PCDHAC1: variants seen among roughly 807,000 people sequenced by gnomAD.
PCDHAC1 encodes protocadherin alpha subfamily C, 1, also known as protocadherin alpha-C1.
PCDHAC1 carries 42 observed loss-of-function variants against 60.0 expected under a neutral mutation model. The ratio of observed to expected loss-of-function variants is 0.70; its 90% CI spans 0.55 to 0.90. PCDHAC1 has a LOEUF of 0.90. Ranked by LOEUF, PCDHAC1 falls within the 40% of genes least tolerant of loss-of-function variation. PCDHAC1 has a pLI of 0.00. For missense variants in PCDHAC1, 1,160 were observed against 1,222.3 expected, an observed-to-expected ratio of 0.95 and a Z score of 0.76; for synonymous variants, 468 against 499.3, an observed-to-expected ratio of 0.94 and a Z score of 0.84.
chr5:140,975,149 T>A (rs990599895), intron 1 of PCDHAC1, among the ~76,000 whole-genome samples: 1 of 152,202 alleles, frequency 6.6e-6, no homozygotes, highest in Non-Finnish European at 1.5e-5. Flanking sequence ...CACTCTCAGT[T>A]CCTAGAGAAC....
chr5:140,999,786 G>A (rs1050666056), intron 3 of PCDHAC1, among the ~76,000 whole-genome samples: 4 of 152,120 alleles, frequency 2.6e-5, no homozygotes, highest in African/African-American at 9.7e-5. Flanking sequence ...CCTAGAAATG[G>A]CAGAGTTATT....
intron 1 of PCDHAC1, chr5:140,967,281 C>G: frequency 2.5e-6 from 4 of 1,613,102 alleles, no homozygotes; most frequent in Non-Finnish European, 3.4e-6. Flanking sequence ...ATAGAGAGTG[C>G]GCAGGACCCC....
At chr5:140,967,750 C>T (rs782284231) in intron 1 of PCDHAC1, 3 of 1,614,072 alleles carry the variant, frequency 1.9e-6, no homozygotes, top group Non-Finnish European at 8.5e-7. Flanking sequence ...ATGAGGAAGC[C>T]TCCTCCTACC....
intron 1 of PCDHAC1, chr5:140,966,228 A>G: frequency 3.6e-6 from 1 of 275,386 alleles, no homozygotes; most frequent in Admixed American, 5.3e-5. Context: ...AATCTCCTTA[A>G]AGACCCGTTA....
At chr5:140,986,427 G>A (rs937088313) in intron 3 of PCDHAC1, among the ~76,000 whole-genome samples, 19 of 152,186 alleles carry the variant, frequency 1.2e-4, no homozygotes, top group African/African-American at 4.6e-4. Context: ...TTAACTTCAT[G>A]AGTACTAATG....
intron 1 of PCDHAC1, among the ~76,000 whole-genome samples, chr5:140,941,208 T>TTCCTTTCTTTCTTTCTTTCTTTCG (rs2092839762): frequency 9.1e-6 from 1 of 109,450 alleles, no homozygotes; most frequent in Non-Finnish European, 2.0e-5. Context: ...TCTTCCTTTC[T>TTCCTTTCTTTCTTTCTTTCTTTCG]TTCTTCCTTT....
intron 3 of PCDHAC1, among the ~76,000 whole-genome samples, chr5:140,997,872 C>G (rs1053678533): frequency 6.6e-6 from 1 of 152,094 alleles, no homozygotes; most frequent in African/African-American, 2.4e-5. Context: ...TGCATGCTTG[C>G]TAGTATTTAT....
Position 140,988,156 on chromosome 5 carries a change from C to T in PCDHAC1, c.2581+5593C>T, listed in dbSNP as rs546335543. Among the ~76,000 whole-genome samples, 7 of 152,172 alleles carry T rather than the reference C, an allele frequency of 4.6e-5. No individual in the cohort carries two copies. The South Asian group carries it at 1.5e-3, about 32-fold the overall frequency. On this transcript the variant is annotated intron_variant, in intron 3 of 3. Coordinates refer to ENST00000253807, the MANE Select transcript of PCDHAC1 (RefSeq NM_018898.5). ...TAACCTGTTCAACCTCAACTTCTGCCGTTGTCATAGCAATGACAGTCCTGG... is the reference window on the plus strand; with the variant it reads ...TAACCTGTTCAACCTCAACTTCTGCTGTTGTCATAGCAATGACAGTCCTGG...
rs1323702990 is a variant in PCDHAC1, at chr5:140,926,767, C to A, written c.-126C>A. 1 of 1,359,024 alleles carries A rather than the reference C, an allele frequency of 7.4e-7. No individual in the cohort carries two copies. The highest frequency in any genetic ancestry group is 2.7e-5 in the East Asian group (1 of 37,242). 84.2% of individuals were successfully genotyped at this position (1,359,024 alleles called of 1,614,324 possible). On this transcript the variant is annotated 5_prime_UTR_variant, in exon 1 of 4. Transcript: ENST00000253807. ...CGTCGGCGGTCGCTGAGTATCCAGC[C>A]CGCAGCAGTGACGGCCGGCAGGAGC...
chr5:140,989,509 T>G (rs1554250840), intron 3 of PCDHAC1, among the ~76,000 whole-genome samples: 1 of 152,196 alleles, frequency 6.6e-6, no homozygotes, highest in African/African-American at 2.4e-5. Context: ...GCTTATAACC[T>G]GAGTTGAGGG....
chr5:140,963,233 G>C (rs151988), intron 1 of PCDHAC1, among the ~76,000 whole-genome samples: 50,230 of 151,972 alleles, frequency 0.33, 8,535 homozygotes, highest in East Asian at 0.53. Context: ...GACACTGTTT[G>C]ATGGATTAGG....
intron 1 of PCDHAC1, among the ~76,000 whole-genome samples, chr5:140,978,440 T>G (rs1238163577): frequency 2.0e-5 from 3 of 152,244 alleles, no homozygotes; most frequent in African/African-American, 7.2e-5. Context: ...GCTGGTGTTA[T>G]GACTGGGCAC....
At chr5:140,984,704 G>A (rs2097116148) in intron 3 of PCDHAC1, among the ~76,000 whole-genome samples, 1 of 152,032 alleles carries the variant, frequency 6.6e-6, no homozygotes, top group Non-Finnish European at 1.5e-5. Flanking sequence ...CTGCTTGGAG[G>A]GAATATGGCA....
At chr5:140,993,668 A>G (rs551356894) in intron 3 of PCDHAC1, among the ~76,000 whole-genome samples, 167 of 152,322 alleles carry the variant, frequency 1.1e-3, no homozygotes, top group African/African-American at 3.4e-3. Context: ...ACAATGGACC[A>G]CATATGTGAC....
At chr5:140,965,689 A>T (rs2095924180) in intron 1 of PCDHAC1, among the ~76,000 whole-genome samples, 2 of 152,266 alleles carry the variant, frequency 1.3e-5, no homozygotes, top group African/African-American at 4.8e-5. Context: ...TTGAAGCAAG[A>T]TTAGAAAAAG....
chr5:140,945,909 TC>T (rs1440194990), intron 1 of PCDHAC1, among the ~76,000 whole-genome samples: 3 of 151,962 alleles, frequency 2.0e-5, no homozygotes, highest in African/African-American at 7.2e-5. Context: ...AGATGAAAGA[TC>T]AATAACACTG....
chr5:140,969,129 C>G (rs576180714), intron 1 of PCDHAC1: 4 of 1,614,144 alleles, frequency 2.5e-6, no homozygotes, highest in Admixed American at 1.7e-5. Context: ...GGCTCCCTCA[C>G]CAAGACCTAC....
At chr5:140,975,439 T>C (rs1376325988) in intron 1 of PCDHAC1, among the ~76,000 whole-genome samples, 2 of 152,222 alleles carry the variant, frequency 1.3e-5, no homozygotes, top group Non-Finnish European at 2.9e-5. Context: ...CACCAGGATA[T>C]AGGGATCTTG....
intron 1 of PCDHAC1, 95 bp downstream of exon 1, chr5:140,929,420 C>A: frequency 6.7e-7 from 1 of 1,502,700 alleles, no homozygotes; most frequent in Non-Finnish European, 8.9e-7. Context: ...CACAACATTT[C>A]ATCAATTGAA....
Sources: gnomAD v4.1 joint callset for allele counts (sites outside exome capture counted in the v4.1 genomes callset) on GRCh38, gnomAD v4.1.1 for gene constraint, MANE v1.5 for transcripts, NCBI Gene and HGNC (gene_info 2026-07-23, HGNC 2026-07-21) for gene names.